HCN1: variants seen among roughly 807,000 people sequenced by gnomAD.
The protein encoded by HCN1 is hyperpolarization activated cyclic nucleotide gated potassium channel 1.
Under a neutral mutation model 78.9 loss-of-function variants are expected in HCN1, and 13 were observed. That is an observed-to-expected ratio of 0.16 (90% CI 0.11 to 0.26). HCN1 has a LOEUF of 0.26. HCN1 is among the 10% of genes least tolerant of loss of function. HCN1 has a pLI of 1.00. For synonymous variants in HCN1, 552 were observed against 455.5 expected (o/e 1.21, Z -2.70); for missense variants, 810 against 1,154.3 (o/e 0.70, Z 4.32).
chr5:45,674,857 C>T (rs561150530), intron 1 of HCN1, among the ~76,000 whole-genome samples: 1 of 151,746 alleles, frequency 6.6e-6, no homozygotes, highest in South Asian at 2.1e-4. Context: ...AGGAGGATTG[C>T]TGGAAGGAAA....
intron 2 of HCN1, among the ~76,000 whole-genome samples, chr5:45,482,454 CAAA>C (rs1427878645): frequency 6.6e-6 from 1 of 151,786 alleles, no homozygotes; most frequent in Non-Finnish European, 1.5e-5. Context: ...CAGTTTAGAA[CAAA>C]AAATGAAAGA....
chr5:45,323,655 G>A lies in HCN1; in HGVS notation c.1378-19816C>T, dbSNP rs1159996044. ...ATGTATACATGTGCCATGTTGCTGT[G>A]CTGCACCCATTAACTCGTCATTTAG... On this transcript the variant is annotated intron_variant, in intron 5 of 7. Coordinates refer to ENST00000303230, the MANE Select transcript of HCN1 (RefSeq NM_021072.4). Among the ~76,000 whole-genome samples the A allele has an allele frequency of 2.6e-5, 4 of 151,682 alleles. No individual in the cohort carries two copies. In the East Asian group the frequency reaches 7.8e-4, roughly 30 times the overall value.
chr5:45,489,028 C>T (rs1036931333), intron 2 of HCN1, among the ~76,000 whole-genome samples: 1 of 152,136 alleles, frequency 6.6e-6, no homozygotes, highest in Admixed American at 6.6e-5. Flanking sequence ...CTGGCATGTA[C>T]TCAATGTACC....
intron 3 of HCN1, among the ~76,000 whole-genome samples, chr5:45,417,611 C>T (rs1034489664): frequency 6.6e-6 from 1 of 151,564 alleles, no homozygotes; most frequent in Non-Finnish European, 1.5e-5. Context: ...ATTTTTTAGA[C>T]CTTCTGAATG....
At chr5:45,373,824 T>C (rs1228342748) in intron 4 of HCN1, among the ~76,000 whole-genome samples, 1 of 129,240 alleles carries the variant, frequency 7.7e-6, no homozygotes, top group Non-Finnish European at 1.6e-5. Flanking sequence ...ATACGGTATA[T>C]ACGTCATCTA....
chr5:45,634,185 T>C lies in HCN1; in HGVS notation c.849+11000A>G, dbSNP rs551250982. On this transcript the variant is annotated intron_variant, in intron 2 of 7. Coordinates refer to ENST00000303230, the MANE Select transcript of HCN1 (RefSeq NM_021072.4). ...ACATTCTAGATGAACCTTCTGCTCA[T>C]ACAAATGAACATTCTCTCCCTCAGA... Among the ~76,000 whole-genome samples the C allele has an allele frequency of 7.2e-5, 11 of 152,090 alleles. No individual in the cohort carries two copies. The East Asian group carries it at 1.9e-3, about 27-fold the overall frequency.
intron 2 of HCN1, among the ~76,000 whole-genome samples, chr5:45,565,763 C>G (rs1316023468): frequency 6.6e-6 from 1 of 152,124 alleles, no homozygotes; most frequent in East Asian, 1.9e-4. Context: ...ATGATCACAC[C>G]ACTGCACCCA....
intron 6 of HCN1, among the ~76,000 whole-genome samples, chr5:45,280,851 G>A (rs1164875985): frequency 6.6e-6 from 1 of 152,100 alleles, no homozygotes; most frequent in Admixed American, 6.6e-5. Flanking sequence ...TAATCACTTT[G>A]TTCATGAGAG....
At chr5:45,372,987 A>C (rs921173323) in intron 4 of HCN1, among the ~76,000 whole-genome samples, 3 of 140,006 alleles carry the variant, frequency 2.1e-5, no homozygotes, top group African/African-American at 5.1e-5. Flanking sequence ...AATAAAAAAT[A>C]ATATATAAAA....
intron 2 of HCN1, among the ~76,000 whole-genome samples, chr5:45,497,986 T>C (rs2111722411): frequency 1.3e-5 from 2 of 152,300 alleles, no homozygotes; most frequent in Non-Finnish European, 2.9e-5. Flanking sequence ...CCTTTGAGGG[T>C]AACCGGACCT....
chr5:45,285,134 T>G (rs1579779184), intron 6 of HCN1, among the ~76,000 whole-genome samples: 1 of 152,008 alleles, frequency 6.6e-6, no homozygotes, highest in South Asian at 2.1e-4. Flanking sequence ...AATTTTTTTC[T>G]TTAAAACAGG....
intron 2 of HCN1, among the ~76,000 whole-genome samples, chr5:45,600,004 C>T (rs1355406763): frequency 6.6e-6 from 1 of 152,002 alleles, no homozygotes; most frequent in African/African-American, 2.4e-5. Context: ...TAACTCAGCA[C>T]CTATTGGTTT....
chr5:45,539,361 T>G (rs1355350052), intron 2 of HCN1, among the ~76,000 whole-genome samples: 1 of 151,090 alleles, frequency 6.6e-6, no homozygotes, highest in African/African-American at 2.4e-5. Context: ...AAATAAAATA[T>G]TATTAAATAT....
intron 2 of HCN1, among the ~76,000 whole-genome samples, chr5:45,502,404 A>G (rs1309767945): frequency 6.6e-6 from 1 of 152,008 alleles, no homozygotes; most frequent in East Asian, 1.9e-4. Context: ...ATGGTCATAA[A>G]TAAATGTAAA....
intron 2 of HCN1, among the ~76,000 whole-genome samples, chr5:45,482,306 T>C (rs1225806552): frequency 6.6e-6 from 1 of 152,138 alleles, no homozygotes; most frequent in Non-Finnish European, 1.5e-5. Flanking sequence ...TGCCCTCAAC[T>C]CACAATATCC....
intron 1 of HCN1, among the ~76,000 whole-genome samples, chr5:45,665,460 A>G (rs886900082): frequency 1.3e-5 from 2 of 151,010 alleles, no homozygotes; most frequent in Non-Finnish European, 3.0e-5. Flanking sequence ...ATAATAAAAT[A>G]AAAAAAAGAT....
intron 4 of HCN1, among the ~76,000 whole-genome samples, chr5:45,374,481 T>G (rs566611277): frequency 1.3e-5 from 2 of 149,440 alleles, no homozygotes; most frequent in Non-Finnish European, 3.0e-5. Flanking sequence ...AGACCAATAA[T>G]GAGTTTCAAA....
chr5:45,379,471 G>A (rs1393276257), intron 4 of HCN1, among the ~76,000 whole-genome samples: 2 of 135,994 alleles, frequency 1.5e-5, no homozygotes, highest in East Asian at 4.5e-4. Flanking sequence ...TTGAAACTAT[G>A]TAAAGGAAAT....
chr5:45,379,640 A>G (rs982660543), intron 4 of HCN1, among the ~76,000 whole-genome samples: 1 of 152,160 alleles, frequency 6.6e-6, no homozygotes, highest in African/African-American at 2.4e-5. Context: ...AATACAAATA[A>G]AACATTGTGG....
Sources: allele counts gnomAD v4.1 joint callset (sites outside exome capture counted in the v4.1 genomes callset), GRCh38; gene constraint gnomAD v4.1.1; transcripts MANE v1.5; gene names NCBI Gene and HGNC (gene_info 2026-07-23, HGNC 2026-07-21).